The following KSR2 variants were observed in gnomAD, a reference collection of about 807,000 sequenced individuals.
KSR2 encodes kinase suppressor of ras 2.
A neutral mutation model predicts 107.8 loss-of-function variants in KSR2; 25 were observed. The observed-to-expected ratio is 0.23, with a 90% CI of 0.17 to 0.32. The LOEUF is 0.32. Among genes scored for constraint, KSR2 ranks in the 10% least tolerant of loss-of-function variants. The pLI, the probability that KSR2 is intolerant of heterozygous loss-of-function variation, is 1.00. For synonymous variants in KSR2, 480 were observed against 507.0 expected, an observed-to-expected ratio of 0.95 and a Z score of 0.71; for missense variants, 887 against 1,268.9, an observed-to-expected ratio of 0.70 and a Z score of 4.57.
At chr12:117,765,119 C>T (rs911585203) in intron 3 of KSR2, among the ~76,000 whole-genome samples, 4 of 152,146 alleles carry the variant, frequency 2.6e-5, no homozygotes, top group Non-Finnish European at 2.9e-5. Flanking sequence ...GTCTAAGAGC[C>T]AGAACAGAAC....
In KSR2 at chr12:117,760,928, AC is replaced by A. The variant is rs1351525830; in HGVS notation, c.986+82del. 69 of 1,558,324 alleles carry A rather than the reference AC, an allele frequency of 4.4e-5. No homozygotes were observed. The East Asian group carries it at 1.6e-3, about 36-fold the overall frequency. ...CGCAAGTCTGTTCCCGGTTTCCTTG[AC>A]CTGGGCAGTTCCTGGGACCAAGGGG... is the stretch of plus-strand genomic sequence containing the variant. On this transcript the variant is annotated intron_variant, in intron 4 of 19. Coordinates refer to ENST00000339824, the MANE Select transcript of KSR2 (RefSeq NM_173598.6).
At chr12:117,847,954 A>G (rs575635517) in intron 3 of KSR2, among the ~76,000 whole-genome samples, 2 of 152,280 alleles carry the variant, frequency 1.3e-5, no homozygotes, top group South Asian at 4.1e-4. Flanking sequence ...TGATAAACAC[A>G]CGTGGGAGGG....
intron 4 of KSR2, among the ~76,000 whole-genome samples, chr12:117,706,218 A>ATTTTT (rs1320511617): frequency 1.3e-5 from 2 of 151,608 alleles, no homozygotes; most frequent in African/African-American, 2.4e-5. Flanking sequence ...TAATTTTTGT[A>ATTTTT]TTTTTAGTAG....
At chr12:117,504,063 C>T (rs868653591) in intron 14 of KSR2, among the ~76,000 whole-genome samples, 19 of 151,776 alleles carry the variant, frequency 1.3e-4, no homozygotes, top group Middle Eastern at 6.8e-3. Context: ...TGGTGAGATT[C>T]AATTTCATTT....
At chr12:117,480,602 G>A (rs542331597) in intron 16 of KSR2, among the ~76,000 whole-genome samples, 2 of 151,996 alleles carry the variant, frequency 1.3e-5, no homozygotes, top group Non-Finnish European at 2.9e-5. Context: ...GCTTGGTGGC[G>A]GGGGGGTCTC....
At chr12:117,544,089 C>T (rs139005528) in intron 9 of KSR2, among the ~76,000 whole-genome samples, 1 of 152,186 alleles carries the variant, frequency 6.6e-6, no homozygotes. Flanking sequence ...ATTCACAGGT[C>T]CTGGAGGTTA....
At chr12:117,497,656 G>T (rs1306086172) in intron 14 of KSR2, among the ~76,000 whole-genome samples, 2 of 152,188 alleles carry the variant, frequency 1.3e-5, no homozygotes, top group African/African-American at 4.8e-5. Context: ...CTAGTTAGGA[G>T]CATACACTTT....
chr12:117,569,823 T>C (rs816205), intron 7 of KSR2, among the ~76,000 whole-genome samples: 101,620 of 151,902 alleles, frequency 0.67, 37,309 homozygotes, highest in Non-Finnish European at 0.84. Flanking sequence ...ACCTGAAATA[T>C]ATATAAGGAT....
intron 1 of KSR2, among the ~76,000 whole-genome samples, chr12:117,886,309 G>A (rs1196903238): frequency 1.3e-5 from 2 of 151,244 alleles, no homozygotes; most frequent in Non-Finnish European, 2.9e-5. Context: ...ATAAATATAT[G>A]TAGTATATAT....
At chr12:117,649,209 C>T (rs1021262882) in intron 5 of KSR2, among the ~76,000 whole-genome samples, 1 of 152,218 alleles carries the variant, frequency 6.6e-6, no homozygotes, top group African/African-American at 2.4e-5. Context: ...GATTTCCCAA[C>T]TCCTGGACCA....
chr12:117,760,911 T>G, intron 4 of KSR2, 100 bp downstream of exon 4: 1 of 1,455,930 alleles, frequency 6.9e-7, no homozygotes, highest in Non-Finnish European at 9.4e-7. Context: ...AACGCAAGTC[T>G]GTTCCCGGTT....
At chr12:117,838,199 G>C (rs1050001922) in intron 3 of KSR2, among the ~76,000 whole-genome samples, 4 of 152,174 alleles carry the variant, frequency 2.6e-5, no homozygotes, top group South Asian at 2.1e-4. Flanking sequence ...ACGGAGTCTC[G>C]CACTGTCACC....
intron 1 of KSR2, among the ~76,000 whole-genome samples, chr12:117,881,987 C>A (rs114313198): frequency 6.6e-6 from 1 of 152,276 alleles, no homozygotes; most frequent in Admixed American, 6.5e-5. Context: ...GAGTGTCCTG[C>A]GCATATTTAC....
chr12:117,804,386 A>G (rs1408903628), intron 3 of KSR2, among the ~76,000 whole-genome samples: 1 of 152,152 alleles, frequency 6.6e-6, no homozygotes. Flanking sequence ...GGCAGAATTG[A>G]GTCGTTTCAA....
chr12:117,954,651 T>C (rs1896455261), intron 1 of KSR2, among the ~76,000 whole-genome samples: 1 of 152,148 alleles, frequency 6.6e-6, no homozygotes. Flanking sequence ...CACACAGGGC[T>C]CAAGTACCCT....
At chr12:117,734,288 A>G (rs1887849583) in intron 4 of KSR2, among the ~76,000 whole-genome samples, 2 of 151,736 alleles carry the variant, frequency 1.3e-5, no homozygotes, top group Admixed American at 6.6e-5. Flanking sequence ...CTCAAAAAAA[A>G]AAAAAAAAAA....
At chr12:117,958,805 A>T (rs1176332032) in intron 1 of KSR2, among the ~76,000 whole-genome samples, 2 of 152,354 alleles carry the variant, frequency 1.3e-5, no homozygotes, top group Middle Eastern at 3.4e-3. Flanking sequence ...TGGGTGACAG[A>T]GTGAGACTCT....
chr12:117,738,602 T>C (rs1224473856), intron 4 of KSR2, among the ~76,000 whole-genome samples: 4 of 152,258 alleles, frequency 2.6e-5, no homozygotes, highest in African/African-American at 9.6e-5. Flanking sequence ...TGGCTGGGCA[T>C]GGTGGCTCAT....
At chr12:117,941,320 A>G (rs1428225444) in intron 1 of KSR2, among the ~76,000 whole-genome samples, 1 of 151,864 alleles carries the variant, frequency 6.6e-6, no homozygotes, top group Non-Finnish European at 1.5e-5. Flanking sequence ...GACCCCCTAG[A>G]AATCAAGCAG....
Sources: gnomAD v4.1 joint callset for allele counts (sites outside exome capture counted in the v4.1 genomes callset) on GRCh38, gnomAD v4.1.1 for gene constraint, MANE v1.5 for transcripts, NCBI Gene and HGNC (gene_info 2026-07-23, HGNC 2026-07-21) for gene names.